Variants in LRPPRC observed in about 807,000 individuals in gnomAD.
The protein encoded by LRPPRC is leucine-rich PPR motif-containing protein, mitochondrial.
In LRPPRC, 120 loss-of-function variants were observed where a neutral mutation model predicts 180.3. The observed-to-expected ratio is 0.67, with a 90% CI of 0.57 to 0.77. LRPPRC has a LOEUF of 0.77. LRPPRC is among the 30% of genes least tolerant of loss of function. The probability of loss-of-function intolerance (pLI) is 0.00; values close to 1 mark genes in which losing one functional copy is unlikely to be tolerated. For missense variants in LRPPRC, 2,012 were observed against 1,657.2 expected (o/e 1.21, Z -3.72); for synonymous variants, 723 against 600.0 (o/e 1.21, Z -3.00).
intron 1 of LRPPRC, among the ~76,000 whole-genome samples, chr2:43,986,824 G>A (rs1267615310): frequency 6.6e-6 from 1 of 152,222 alleles, no homozygotes; most frequent in Admixed American, 6.5e-5. Context: ...TAGACAGTGA[G>A]AGTGAGACTA....
At chr2:43,949,082 A>G (rs1371827075) in intron 16 of LRPPRC, among the ~76,000 whole-genome samples, 1 of 152,210 alleles carries the variant, frequency 6.6e-6, no homozygotes, top group African/African-American at 2.4e-5. Context: ...CATAAAATGT[A>G]TAGGGCCATG....
At chr2:43,915,224 TCTCTCTCTCA>T (rs1487406965) in intron 29 of LRPPRC, among the ~76,000 whole-genome samples, 1,742 of 99,314 alleles carry the variant, frequency 0.018, 10 homozygotes, top group African/African-American at 0.036. Context: ...TCTCTCTCTC[TCTCTCTCTCA>T]CACACACACA....
intron 36 of LRPPRC, chr2:43,890,224 ATTC>A (rs1445987502): frequency 4.6e-5 from 19 of 413,180 alleles, no homozygotes; most frequent in Non-Finnish European, 8.2e-5. Flanking sequence ...AATACACACC[ATTC>A]AATCCCCTTT....
chr2:43,988,638 G>T (rs1452873625), intron 1 of LRPPRC, among the ~76,000 whole-genome samples: 1 of 152,058 alleles, frequency 6.6e-6, no homozygotes, highest in African/African-American at 2.4e-5. Context: ...TGTTTTTTGA[G>T]ATGGAGTCTC....
At chr2:43,945,017 C>T (rs1209642168) in intron 22 of LRPPRC, among the ~76,000 whole-genome samples, 1 of 152,052 alleles carries the variant, frequency 6.6e-6, no homozygotes, top group Non-Finnish European at 1.5e-5. Context: ...AAAAACAAAG[C>T]CATTAGTGCA....
intron 30 of LRPPRC, among the ~76,000 whole-genome samples, chr2:43,909,667 C>T (rs933469304): frequency 6.6e-6 from 1 of 150,546 alleles, no homozygotes; most frequent in Non-Finnish European, 1.5e-5. Context: ...TGGGAAAAAA[C>T]TCTGGAAGGG....
intron 29 of LRPPRC, among the ~76,000 whole-genome samples, chr2:43,915,757 A>G (rs564239858): frequency 6.6e-6 from 1 of 152,334 alleles, no homozygotes; most frequent in South Asian, 2.1e-4. Context: ...TTTACTTCAT[A>G]CATTTTACAT....
At chr2:43,979,760 C>A in intron 3 of LRPPRC, 66 bp downstream of exon 3, 2 of 1,414,522 alleles carry the variant, frequency 1.4e-6, no homozygotes, top group Non-Finnish European at 2.0e-6. Flanking sequence ...TGTAAACAAA[C>A]ACTTTTTTGC....
At chr2:43,923,305 C>T (rs1032989706) in intron 27 of LRPPRC, among the ~76,000 whole-genome samples, 1 of 151,610 alleles carries the variant, frequency 6.6e-6, no homozygotes, top group African/African-American at 2.4e-5. Context: ...ATAGTGGGAC[C>T]CCGTCTCCAC....
chr2:43,934,256 C>A lies in LRPPRC; in HGVS notation c.2670G>T (p.Met890Ile). 6.2e-7 allele frequency: 1 copy of A among 1,611,528 alleles called. No homozygotes were observed. ...GGAAGGCAAAGAAGAGATCATAGAGCATCACCATTTCACCTTGTTCTTGGC... is the reference window on the plus strand; with the variant it reads ...GGAAGGCAAAGAAGAGATCATAGAGAATCACCATTTCACCTTGTTCTTGGC... ...FVSQEQGEMV[M>I]LYDLFFAFLQ... is the part of the protein sequence containing the mutation. Residue 890 changes from methionine to isoleucine, a missense_variant, in exon 25 of 38, where the codon ATG becomes ATT. Transcript: ENST00000260665.
intron 31 of LRPPRC, 185 bp from the exon 32 acceptor site, chr2:43,901,709 TATA>T: frequency 1.7e-6 from 1 of 587,910 alleles, no homozygotes; most frequent in Non-Finnish European, 3.0e-6. Context: ...TTTACTTGAC[TATA>T]TAAGATATTA....
At chr2:43,938,037 T>G (rs1337814144) in intron 23 of LRPPRC, among the ~76,000 whole-genome samples, 1 of 152,144 alleles carries the variant, frequency 6.6e-6, no homozygotes, top group Non-Finnish European at 1.5e-5. Flanking sequence ...ATTCAAAACT[T>G]TGAGCCCATG....
chr2:43,899,370 G>C (rs1359616132), intron 33 of LRPPRC, 36 bp from the exon 34 acceptor site: 5 of 1,603,344 alleles, frequency 3.1e-6, no homozygotes, highest in African/African-American at 2.7e-5. Context: ...TCTTTCATTA[G>C]AACAGTGGTA....
intron 31 of LRPPRC, among the ~76,000 whole-genome samples, chr2:43,904,903 G>A (rs1301418428): frequency 6.6e-6 from 1 of 152,054 alleles, no homozygotes; most frequent in Non-Finnish European, 1.5e-5. Context: ...AAATTCAAAT[G>A]TAAATCTTAA....
intron 11 of LRPPRC, among the ~76,000 whole-genome samples, chr2:43,969,434 T>G (rs1572560512): frequency 6.7e-6 from 1 of 149,634 alleles, no homozygotes; most frequent in Non-Finnish European, 1.5e-5. Flanking sequence ...AGAAACCAAG[T>G]CTCTTAATTC....
intron 1 of LRPPRC, among the ~76,000 whole-genome samples, chr2:43,982,896 A>G (rs971242865): frequency 2.0e-5 from 3 of 152,034 alleles, no homozygotes; most frequent in Non-Finnish European, 4.4e-5. Context: ...CTATGAATTT[A>G]AAAGAAGACC....
chr2:43,953,089 G>A (rs558679741), intron 14 of LRPPRC, among the ~76,000 whole-genome samples: 8 of 152,098 alleles, frequency 5.3e-5, no homozygotes, highest in Middle Eastern at 3.4e-3. Context: ...TCAATGCCTC[G>A]GCCTGAAAAA....
At chr2:43,938,553 C>T (rs936196300) in intron 23 of LRPPRC, among the ~76,000 whole-genome samples, 10 of 152,152 alleles carry the variant, frequency 6.6e-5, no homozygotes, top group African/African-American at 9.7e-5. Flanking sequence ...CAAAGAGCTA[C>T]TACAAACTAC....
At chr2:43,970,001 ATAACT>A (rs1673733635) in intron 11 of LRPPRC, among the ~76,000 whole-genome samples, 1 of 152,138 alleles carries the variant, frequency 6.6e-6, no homozygotes, top group Non-Finnish European at 1.5e-5. Flanking sequence ...AGGAGCAATA[ATAACT>A]TAATTTTTTT....
Sources: allele counts gnomAD v4.1 joint callset (sites outside exome capture counted in the v4.1 genomes callset), GRCh38; gene constraint gnomAD v4.1.1; transcripts MANE v1.5; gene names NCBI Gene and HGNC (gene_info 2026-07-23, HGNC 2026-07-21).